NR3C1: variants seen among roughly 807,000 people sequenced by gnomAD.
NR3C1 encodes nuclear receptor subfamily 3 group C member 1.
Under a neutral mutation model 74.0 loss-of-function variants are expected in NR3C1, and 14 were observed. That is an observed-to-expected ratio of 0.19 (90% CI 0.12 to 0.30). The LOEUF is 0.30. Ranked by LOEUF, NR3C1 falls within the 10% of genes least tolerant of loss-of-function variation. The pLI, the probability that NR3C1 is intolerant of heterozygous loss-of-function variation, is 1.00. For missense variants in NR3C1, 695 were observed against 909.8 expected (o/e 0.76, Z 3.04); for synonymous variants, 308 against 332.5 (o/e 0.93, Z 0.80).
At chr5:143,406,073 A>C (rs982972636), upstream of NR3C1, among the ~76,000 whole-genome samples, 1 of 151,934 alleles carries the variant, frequency 6.6e-6, no homozygotes, top group Non-Finnish European at 1.5e-5. Flanking sequence ...GCTTAAAATG[A>C]TTAAGAATTC....
intron 1 of NR3C1, among the ~76,000 whole-genome samples, chr5:143,433,460 A>ATATATAATTTATTTAATTAAAT (rs1413693943): frequency 6.8e-6 from 1 of 146,006 alleles, no homozygotes; most frequent in East Asian, 2.0e-4. Context: ...AATTATATAT[A>ATATATAATTTATTTAATTAAAT]TATATATATA....
chr5:143,325,810 T>C (rs1237588931), intron 2 of NR3C1, among the ~76,000 whole-genome samples: 1 of 152,158 alleles, frequency 6.6e-6, no homozygotes, highest in Non-Finnish European at 1.5e-5. Context: ...CTATATTTAG[T>C]AAATAATGAA....
intron 2 of NR3C1, among the ~76,000 whole-genome samples, chr5:143,384,204 G>T (rs1836764672): frequency 6.6e-6 from 1 of 152,154 alleles, no homozygotes; most frequent in Admixed American, 6.5e-5. Flanking sequence ...CAACAAGAGG[G>T]AAGTCCACCC....
At chr5:143,411,631 G>A (rs888124034) in intron 1 of NR3C1, among the ~76,000 whole-genome samples, 1 of 152,060 alleles carries the variant, frequency 6.6e-6, no homozygotes, top group Non-Finnish European at 1.5e-5. Context: ...CACTGAAATG[G>A]TTCTGTGAAA....
chr5:143,416,079 G>A (rs143499358), intron 1 of NR3C1, among the ~76,000 whole-genome samples: 2 of 152,298 alleles, frequency 1.3e-5, no homozygotes, highest in East Asian at 3.9e-4. Flanking sequence ...ATACCATAAT[G>A]CTTGATGGCT....
At chr5:143,307,930 C>T (rs536779604) in intron 4 of NR3C1, among the ~76,000 whole-genome samples, 1 of 152,266 alleles carries the variant, frequency 6.6e-6, no homozygotes, top group Admixed American at 6.5e-5. Context: ...TTAATCTCTA[C>T]AGTTTTTATA....
At chr5:143,406,765 G>A (rs760259577), upstream of NR3C1, among the ~76,000 whole-genome samples, 1 of 152,124 alleles carries the variant, frequency 6.6e-6, no homozygotes, top group African/African-American at 2.4e-5. Context: ...TATTAAAGTG[G>A]TTTTCCTCAC....
rs1239706538 is a variant in NR3C1, at chr5:143,400,344, C to G, written c.496G>C (p.Glu166Gln). 6 of 1,614,032 alleles carry G rather than the reference C, an allele frequency of 3.7e-6. No homozygotes were observed. The highest frequency in any genetic ancestry group is 5.1e-6 in the Non-Finnish European group (6 of 1,179,986). The change falls in exon 2 of 9, where the codon GAA becomes CAA. Residue 166 changes from glutamate (E) to glutamine (Q), a missense_variant. Around this residue, in one of 4 missense-constraint regions of NR3C1, gnomAD observed 497 missense variants for 489.5 expected, o/e 1.02. Transcript: ENST00000394464. ...FPKTHSDVSS[E>Q]QQHLKGQTGT... is the part of the protein sequence containing the mutation. ...GTCTGGCCCTTCAAATGTTGCTGTT[C>G]TGAAGATACATCAGAGTGAGTTTTT...
intron 2 of NR3C1, among the ~76,000 whole-genome samples, chr5:143,358,128 T>G (rs1189776704): frequency 6.6e-6 from 1 of 152,200 alleles, no homozygotes; most frequent in African/African-American, 2.4e-5. Flanking sequence ...TGGGTAGATT[T>G]CTCTTCCCAT....
intron 1 of NR3C1, chr5:143,402,894 G>A: frequency 2.1e-6 from 2 of 951,018 alleles, no homozygotes; most frequent in Non-Finnish European, 2.5e-6. Context: ...GGGGAGAAAA[G>A]AGGCCAGGAT....
intron 2 of NR3C1, among the ~76,000 whole-genome samples, chr5:143,373,256 G>A (rs1338805875): frequency 6.6e-6 from 1 of 152,168 alleles, no homozygotes; most frequent in South Asian, 2.1e-4. Context: ...ATGTGTTTCA[G>A]GAGACATTTT....
intron 2 of NR3C1, chr5:143,333,226 G>A (rs549711899): frequency 3.9e-5 from 57 of 1,465,132 alleles, no homozygotes; most frequent in Admixed American, 7.0e-5. Flanking sequence ...CAGCTCATCC[G>A]TCAGCTGAAC....
intron 1 of NR3C1, among the ~76,000 whole-genome samples, chr5:143,421,556 C>A (rs557183033): frequency 1.3e-5 from 2 of 151,938 alleles, no homozygotes; most frequent in East Asian, 3.9e-4. Flanking sequence ...TGTGGAGGCT[C>A]ACACCTGTAA....
chr5:143,355,762 C>A (rs1037006912), intron 2 of NR3C1, among the ~76,000 whole-genome samples: 5 of 152,136 alleles, frequency 3.3e-5, no homozygotes, highest in Non-Finnish European at 7.3e-5. Flanking sequence ...AACTTCCAGG[C>A]CATTCCTAAA....
At chr5:143,400,953 T>A in intron 1 of NR3C1, 101 bp from the exon 2 acceptor site, 2 of 872,056 alleles carry the variant, frequency 2.3e-6, no homozygotes, top group Non-Finnish European at 3.7e-6. Flanking sequence ...TAAATGAACC[T>A]TTTAGTTAAC....
At chr5:143,392,533 T>C (rs1425739447) in intron 2 of NR3C1, among the ~76,000 whole-genome samples, 3 of 152,184 alleles carry the variant, frequency 2.0e-5, no homozygotes, top group Non-Finnish European at 2.9e-5. Context: ...TTTTTTTCTT[T>C]TTCTCTTTAA....
intron 2 of NR3C1, among the ~76,000 whole-genome samples, chr5:143,354,287 T>C (rs939648056): frequency 3.9e-5 from 6 of 152,250 alleles, no homozygotes; most frequent in Non-Finnish European, 7.3e-5. Flanking sequence ...TAGCACTAGT[T>C]ATTTCCTTCA....
intron 1 of NR3C1, among the ~76,000 whole-genome samples, chr5:143,430,487 CA>C (rs1230176107): frequency 6.6e-6 from 1 of 152,180 alleles, no homozygotes; most frequent in Non-Finnish European, 1.5e-5. Flanking sequence ...TGTGTCTCCC[CA>C]AAATTCATAC....
chr5:143,400,505 A>C lies in NR3C1; in HGVS notation c.335T>G (p.Leu112Arg), dbSNP rs901577676. 4.3e-6 allele frequency: 7 copies of C among 1,614,244 alleles called. No homozygotes were observed. The highest frequency in any genetic ancestry group is 2.2e-5 in the East Asian group (1 of 44,892). Residue 112 changes from leucine to arginine, a missense_variant, in exon 2 of 9, where the codon CTT becomes CGT. Leu to Arg is a moderately radical substitution (Grantham distance 102, BLOSUM62 -2). Coordinates refer to ENST00000394464, the MANE Select transcript of NR3C1 (RefSeq NM_000176.3). Reference protein sequence around the residue: ...LGFPQQGQISLSSGETDLKLL... With the variant: ...LGFPQQGQISRSSGETDLKLL... Reference sequence around the variant, plus strand: ...CTTTAAGTCTGTTTCCCCCGAGGAAAGGCTGATTTGGCCCTGCTGTGGGAA... The same window carrying C: ...CTTTAAGTCTGTTTCCCCCGAGGAACGGCTGATTTGGCCCTGCTGTGGGAA...
Sources: allele counts gnomAD v4.1 joint callset (sites outside exome capture counted in the v4.1 genomes callset), GRCh38; gene constraint gnomAD v4.1.1; regional missense constraint gnomAD v4.1.1; transcripts MANE v1.5; gene names NCBI Gene and HGNC (gene_info 2026-07-23, HGNC 2026-07-21).